UNC13A: variants seen among roughly 807,000 people sequenced by gnomAD.
UNC13A encodes the protein protein unc-13 homolog A.
UNC13A carries 61 observed loss-of-function variants against 219.7 expected under a neutral mutation model. The ratio of observed to expected loss-of-function variants is 0.28; its 90% CI spans 0.23 to 0.34. The LOEUF (loss-of-function observed/expected upper bound fraction) is 0.34, where lower values mean the gene tolerates loss of function less well. Ranked by LOEUF, UNC13A falls within the 10% of genes least tolerant of loss-of-function variation. The pLI, the probability that UNC13A is intolerant of heterozygous loss-of-function variation, is 1.00. For synonymous variants in UNC13A, 920 were observed against 884.6 expected (o/e 1.04, Z -0.71); for missense variants, 1,476 against 2,270.3 (o/e 0.65, Z 7.11).
Position 17,630,186 on chromosome 19 carries a change from C to T in UNC13A, c.3628G>A (p.Asp1210Asn), listed in dbSNP as rs372462073. ...ATGTAGTGCCCCACGATCTGAGGGT[C>T]GGGACACTCGAGTTTCTTGATGATT... ...FEIIKKLECP[D>N]PQIVGHYMRR... The change falls in exon 30 of 44, where the codon GAC (aspartate) becomes AAC (asparagine). Residue 1210 changes from aspartate to asparagine, a missense_variant. By Grantham distance (23) the Asp-to-Asn change is conservative. Coordinates refer to ENST00000519716, the MANE Select transcript of UNC13A (RefSeq NM_001080421.3). 10 of 1,552,022 alleles carry T rather than the reference C, an allele frequency of 6.4e-6. No individual in the cohort carries two copies. The highest frequency in any genetic ancestry group is 8.7e-6 in the Non-Finnish European group (10 of 1,147,162).
chr19:17,663,088 C>A (rs1346004181), intron 8 of UNC13A, among the ~76,000 whole-genome samples: 2 of 151,864 alleles, frequency 1.3e-5, no homozygotes, highest in African/African-American at 4.8e-5. Context: ...CCTGGCCTGC[C>A]GTTCTGTTAG....
At chr19:17,678,972 G>A (rs547225881) in intron 1 of UNC13A, among the ~76,000 whole-genome samples, 66 of 152,046 alleles carry the variant, frequency 4.3e-4, no homozygotes, top group African/African-American at 1.4e-3. Flanking sequence ...AGGAGACAGC[G>A]AGAGTACCAG....
chr19:17,618,585 C>T, intron 39 of UNC13A, 84 bp from the exon 40 acceptor site: 1 of 1,373,202 alleles, frequency 7.3e-7, no homozygotes, highest in Non-Finnish European at 1.0e-6. Flanking sequence ...CCCTGTTCAA[C>T]TTGGAGGAGC....
Position 17,604,926 on chromosome 19 carries a change from G to A in UNC13A, c.*1128C>T, listed in dbSNP as rs1315153274. On this transcript the variant is annotated 3_prime_UTR_variant, in exon 44 of 44. Coordinates refer to ENST00000519716, the MANE Select transcript of UNC13A (RefSeq NM_001080421.3). ...CCCCTAGAGTTTCTGGTCTCCTTCT[G>A]TTCTTTCCTATTTGGAAAATTCTGG... The A allele has an allele frequency of 6.6e-6, 1 of 152,512 alleles. No individual in the cohort carries two copies. Among genetic ancestry groups the A allele is most frequent in the East Asian group, 1.9e-4 (1 of 5,186 alleles). The allele number at this position is 152,512 out of a possible 1,614,324, so 9.4% of individuals were successfully genotyped here. A position where few individuals can be genotyped will look rare whatever the true frequency, so the allele number is the denominator to read the frequency against.
At chr19:17,651,201 G>C (rs2079340747) in intron 12 of UNC13A, among the ~76,000 whole-genome samples, 2 of 151,730 alleles carry the variant, frequency 1.3e-5, no homozygotes, top group Non-Finnish European at 2.9e-5. Flanking sequence ...GCCTCCCAAA[G>C]TGCTGGGATT....
intron 9 of UNC13A, among the ~76,000 whole-genome samples, chr19:17,656,777 G>A (rs905254792): frequency 5.3e-5 from 8 of 149,870 alleles, no homozygotes; most frequent in African/African-American, 2.0e-4. Flanking sequence ...ACTTGAACCC[G>A]GGAGGTGGAG....
chr19:17,663,401 G>T, intron 8 of UNC13A, 131 bp downstream of exon 8: 1 of 933,306 alleles, frequency 1.1e-6, no homozygotes, highest in Non-Finnish European at 1.6e-6. Context: ...GTCTTGCTGA[G>T]CCCTCTGGCC....
intron 12 of UNC13A, among the ~76,000 whole-genome samples, chr19:17,651,382 C>T (rs1307934246): frequency 6.6e-6 from 1 of 152,168 alleles, no homozygotes; most frequent in Admixed American, 6.5e-5. Flanking sequence ...CACCACCACA[C>T]CTGGCTAATT....
chr19:17,652,816 A>C, intron 11 of UNC13A, 139 bp from the exon 12 acceptor site: 1 of 872,850 alleles, frequency 1.1e-6, no homozygotes, highest in Non-Finnish European at 1.8e-6. Flanking sequence ...GATTTTAGGA[A>C]GCTCCGTGGC....
chr19:17,645,690 G>A lies in UNC13A; in HGVS notation c.2340C>T (p.Asp780=), dbSNP rs553445787. 1.9e-5 allele frequency: 31 copies of A among 1,614,208 alleles called. No individual in the cohort carries two copies. The highest frequency in any genetic ancestry group is 4.5e-5 in the East Asian group (2 of 44,890). ...IEVRTLSGEM[D]VWYNLDKRTD... is the part of the protein sequence containing the mutation. Reference sequence around the variant, plus strand: ...TTCTCTCACCCAGGTTGTACCACACGTCCATCTCGCCGCTGAGCGTCCGCA... The same window carrying A: ...TTCTCTCACCCAGGTTGTACCACACATCCATCTCGCCGCTGAGCGTCCGCA... Residue 780 remains aspartate (D), a synonymous_variant, in exon 19 of 44, where the codon GAC becomes GAT. Coordinates refer to ENST00000519716, the MANE Select transcript of UNC13A (RefSeq NM_001080421.3).
chr19:17,610,997 C>T (rs1457309291), intron 42 of UNC13A, among the ~76,000 whole-genome samples: 3 of 152,102 alleles, frequency 2.0e-5, no homozygotes, highest in South Asian at 2.1e-4. Flanking sequence ...TGCACCACAG[C>T]GCTCCAACCT....
At position 17,606,344 on chromosome 19, in the gene UNC13A, C is replaced by T. The variant is rs371470309; in HGVS notation, c.4822G>A (p.Ala1608Thr). Reference protein sequence around the residue: ...YNESFQFTLSADAGPECYELQ... With the variant: ...YNESFQFTLSTDAGPECYELQ... The stretch of plus-strand genomic sequence containing the variant: ...TCATAGCACTCGGGACCCGCGTCGG[C>T]GCTCAGCGTGCTGCGTGGGGAGGGG... The change falls in exon 44 of 44, where the codon GCC becomes ACC. Residue 1608 changes from alanine (A) to threonine (T), a missense_variant. Coordinates refer to ENST00000519716, the MANE Select transcript of UNC13A (RefSeq NM_001080421.3). The T allele has an allele frequency of 9.7e-6, 15 of 1,545,206 alleles. No homozygotes were observed. In the African/African-American group the frequency reaches 1.5e-4, roughly 16 times the overall value.
At chr19:17,620,643 TGGGG>T in intron 38 of UNC13A, 46 bp downstream of exon 38, 6 of 1,121,984 alleles carry the variant, frequency 5.3e-6, no homozygotes, top group Non-Finnish European at 7.4e-6. Context: ...AGGGGTGGGG[TGGGG>T]GGGAGTGGGA....
chr19:17,635,544 T>C (rs1475583731), intron 26 of UNC13A, among the ~76,000 whole-genome samples: 4 of 152,194 alleles, frequency 2.6e-5, no homozygotes, highest in Non-Finnish European at 5.9e-5. Flanking sequence ...TTGTATATTG[T>C]ACAATATTGT....
Position 17,649,233 on chromosome 19 carries a change from A to G in UNC13A, c.1524+106T>C. On this transcript the variant is annotated intron_variant, in intron 14 of 43. Transcript: ENST00000519716. The surrounding 1 kb of genome is among the most constrained non-coding windows in gnomAD (Gnocchi z 4.4). ...GACTCACAGCATCCAACACAGTGGG[A>G]CATGGCAAGGTTCCCCCATAATCCA... 2 of 1,512,042 alleles carry G rather than the reference A, an allele frequency of 1.3e-6. No individual in the cohort carries two copies. The highest frequency in any genetic ancestry group is 1.9e-4 in the Middle Eastern group (1 of 5,286). The allele number at this position is 1,512,042 out of a possible 1,614,324, so 93.7% of individuals were successfully genotyped here.
chr19:17,612,094 A>G, intron 41 of UNC13A: 1 of 396,732 alleles, frequency 2.5e-6, no homozygotes, highest in Non-Finnish European at 4.5e-6. Context: ...TCTGAGCCTA[A>G]TGCAATTCTT....
intron 26 of UNC13A, 144 bp from the exon 27 acceptor site, chr19:17,633,337 C>T: frequency 1.5e-6 from 1 of 673,764 alleles, no homozygotes; most frequent in Non-Finnish European, 2.6e-6. Flanking sequence ...TGCTGACTGA[C>T]TCTGCACTAA....
intron 1 of UNC13A, among the ~76,000 whole-genome samples, chr19:17,683,067 A>G (rs770344308): frequency 2.3e-4 from 35 of 152,168 alleles, no homozygotes; most frequent in Non-Finnish European, 3.8e-4. Flanking sequence ...TCTGTCTCCA[A>G]TAAATAAATA....
At position 17,649,623 on chromosome 19, in the gene UNC13A, T is replaced by A; in HGVS notation, c.1440-36A>T. On this transcript the variant is annotated intron_variant, in intron 12 of 43. Transcript: ENST00000519716. This position sits in a 1 kb window ranked among gnomAD's most constrained non-coding sequence, Gnocchi z 4.4. ...CAGAGGGACACTGAGGGCCCAGATG[T>A]CCCTATTCCTCACATAGAGCCCTGG... The A allele has an allele frequency of 6.2e-7, 1 of 1,610,876 alleles. No homozygotes were observed. The highest frequency in any genetic ancestry group is 2.2e-5 in the East Asian group (1 of 44,874).
Sources: allele counts gnomAD v4.1 joint callset (sites outside exome capture counted in the v4.1 genomes callset), GRCh38; gene constraint gnomAD v4.1.1; non-coding constraint Gnocchi (gnomAD v3.1); transcripts MANE v1.5; gene names NCBI Gene and HGNC (gene_info 2026-07-23, HGNC 2026-07-21).